The following SORBS2 variants were observed in gnomAD, a reference collection of about 807,000 sequenced individuals.
SORBS2 encodes the protein sorbin and SH3 domain-containing protein 2.
In SORBS2, 46 loss-of-function variants were observed where a neutral mutation model predicts 97.7. That is an observed-to-expected ratio of 0.47 (90% CI 0.37 to 0.60). The LOEUF is 0.60. Ranked by LOEUF, SORBS2 falls within the 20% of genes least tolerant of loss-of-function variation. The pLI is 0.00. For synonymous variants in SORBS2, 476 were observed against 473.4 expected, an observed-to-expected ratio of 1.01 and a Z score of -0.07; for missense variants, 1,316 against 1,282.3, an observed-to-expected ratio of 1.03 and a Z score of -0.40.
intron 4 of SORBS2, chr4:185,666,284 G>A: frequency 1.4e-6 from 1 of 729,556 alleles, no homozygotes; most frequent in South Asian, 1.6e-5. Context: ...TGGCAGAGAA[G>A]GCAAAGCATC....
At chr4:185,948,510 A>AT (rs34637572) in intron 1 of SORBS2, among the ~76,000 whole-genome samples, 7,675 of 87,778 alleles carry the variant, frequency 0.087, 733 homozygotes, top group African/African-American at 0.24. Flanking sequence ...ATGAATTTCA[A>AT]TTTTTTTTTT....
chr4:185,679,280 A>G lies in SORBS2; in HGVS notation c.-197-458T>C, dbSNP rs1176718394. Among the ~76,000 whole-genome samples, 5 of 152,160 alleles carry G rather than the reference A, an allele frequency of 3.3e-5. No individual in the cohort carries two copies. The East Asian group carries it at 9.6e-4, about 29-fold the overall frequency. The stretch of plus-strand genomic sequence containing the variant: ...GTAGTTCGCATTTTTTTTTACCTTA[A>G]GAAACTGTAGACCTGTCTACCATAT... On this transcript the variant is annotated intron_variant, in intron 2 of 20. Coordinates refer to the SORBS2 transcript ENST00000284776.
chr4:185,757,040 G>T, intron 2 of SORBS2: 2 of 831,364 alleles, frequency 2.4e-6, no homozygotes, highest in South Asian at 2.7e-5. Context: ...TGTCTTGCAT[G>T]ATGAACTTCG....
At position 185,606,731 on chromosome 4, in the gene SORBS2, G is replaced by A. The variant is rs2096431007; in HGVS notation, c.2796+5049C>T. 1 of 985,040 alleles carries A rather than the reference G, an allele frequency of 1.0e-6. No individual in the cohort carries two copies. 61.0% of individuals were successfully genotyped at this position (985,040 alleles called of 1,614,324 possible). On this transcript the variant is annotated intron_variant, in intron 12 of 14. Coordinates refer to ENST00000418609, the Ensembl canonical transcript of SORBS2. This position sits in a 1 kb window ranked among gnomAD's most constrained non-coding sequence, Gnocchi z 4.3. ...TGTGGGGTGCCCTCTGACCCATCGT[G>A]GCCACACCACCAGGCGTCTCCTTCC...
chr4:185,925,563 G>A (rs556412762), intron 1 of SORBS2, among the ~76,000 whole-genome samples: 5 of 152,206 alleles, frequency 3.3e-5, no homozygotes, highest in Admixed American at 6.5e-5. Context: ...TGTATGAGAC[G>A]CGTATATTTG....
At chr4:185,874,639 T>C (rs1244507547) in intron 1 of SORBS2, among the ~76,000 whole-genome samples, 3 of 152,214 alleles carry the variant, frequency 2.0e-5, no homozygotes, top group Non-Finnish European at 4.4e-5. Context: ...TTCCATTCTC[T>C]ACTGATACTT....
chr4:185,768,617 T>A (rs2098950155), intron 2 of SORBS2, among the ~76,000 whole-genome samples: 1 of 149,686 alleles, frequency 6.7e-6, no homozygotes, highest in Admixed American at 6.8e-5. Context: ...GAGAATCACT[T>A]GAACCTGGGA....
At chr4:185,652,537 A>C in intron 2 of SORBS2, 125 bp downstream of exon 10, 2 of 762,068 alleles carry the variant, frequency 2.6e-6, no homozygotes, top group South Asian at 1.6e-5. Context: ...AGGCATGCTG[A>C]AAAGAAAGGG....
Position 185,813,496 on chromosome 4 carries a change from CT to C in SORBS2, c.-337-38131del, listed in dbSNP as rs5864963. ...TTCAGATCGCCTCCAGCCAGCCTAC[CT>C]TTTCTCACTGAAGTTCCCTTCCCTG... On this transcript the variant is annotated intron_variant, in intron 1 of 20. Transcript: ENST00000284776. Among the ~76,000 whole-genome samples the C allele has an allele frequency of 8.7e-3, 1,322 of 152,260 alleles. 15 individuals are homozygous for C. The highest frequency in any genetic ancestry group is 0.028 in the African/African-American group (1,164 of 41,534).
chr4:185,841,546 G>C (rs2099211539), intron 1 of SORBS2, among the ~76,000 whole-genome samples: 1 of 152,142 alleles, frequency 6.6e-6, no homozygotes, highest in South Asian at 2.1e-4. Context: ...TCCCATGGAG[G>C]TCCCCAAGAA....
intron 12 of SORBS2, among the ~76,000 whole-genome samples, chr4:185,604,249 G>A (rs61539274): frequency 0.028 from 4,317 of 152,264 alleles, 212 homozygotes; most frequent in African/African-American, 0.098. Flanking sequence ...ATGTAACTTC[G>A]TAGGTCTTGT....
intron 4 of SORBS2, among the ~76,000 whole-genome samples, chr4:185,672,208 C>T (rs1178485075): frequency 6.6e-6 from 1 of 152,212 alleles, no homozygotes; most frequent in Non-Finnish European, 1.5e-5. Flanking sequence ...ACATACTGAT[C>T]CCATGGAGCA....
chr4:185,937,150 A>G (rs962447338), intron 1 of SORBS2, among the ~76,000 whole-genome samples: 2 of 151,724 alleles, frequency 1.3e-5, no homozygotes, highest in Non-Finnish European at 2.9e-5. Flanking sequence ...AGGAAAACTC[A>G]TTCATCTCGT....
chr4:185,938,430 A>ACACC (rs35146408), intron 1 of SORBS2, among the ~76,000 whole-genome samples: 24 of 142,064 alleles, frequency 1.7e-4, no homozygotes, highest in African/African-American at 5.2e-4. Flanking sequence ...ACACACACAC[A>ACACC]CCCTTTTATT....
At chr4:185,630,304 T>A (rs1207309107) in intron 5 of SORBS2, among the ~76,000 whole-genome samples, 1 of 152,148 alleles carries the variant, frequency 6.6e-6, no homozygotes, top group African/African-American at 2.4e-5. Flanking sequence ...TATAGGGGAC[T>A]AAGGGAAGAG....
chr4:185,943,898 G>C (rs760943995), intron 1 of SORBS2, among the ~76,000 whole-genome samples: 1 of 152,102 alleles, frequency 6.6e-6, no homozygotes, highest in South Asian at 2.1e-4. Context: ...ACACATGCCC[G>C]TGAGGACCTA....
chr4:185,725,931 T>C (rs2098551869), intron 2 of SORBS2, among the ~76,000 whole-genome samples: 1 of 152,226 alleles, frequency 6.6e-6, no homozygotes, highest in African/African-American at 2.4e-5. Context: ...TTCTCAGTTT[T>C]TTTTTGTTTT....
intron 4 of SORBS2, among the ~76,000 whole-genome samples, chr4:185,663,902 T>C (rs2153476889): frequency 7.3e-6 from 1 of 136,902 alleles, no homozygotes; most frequent in African/African-American, 2.7e-5. Context: ...TCGCCCAGGC[T>C]GGAGTGCAGT....
intron 2 of SORBS2, among the ~76,000 whole-genome samples, chr4:185,748,954 G>A (rs937591316): frequency 1.3e-5 from 2 of 152,198 alleles, no homozygotes; most frequent in African/African-American, 4.8e-5. Context: ...GGGGAAGAAT[G>A]CAGGAGAGCC....
Sources: allele counts gnomAD v4.1 joint callset (sites outside exome capture counted in the v4.1 genomes callset), GRCh38; gene constraint gnomAD v4.1.1; non-coding constraint Gnocchi (gnomAD v3.1); transcripts MANE v1.5; gene names NCBI Gene and HGNC (gene_info 2026-07-23, HGNC 2026-07-21).